The following RAB3GAP1 variants were observed in gnomAD, a reference collection of about 807,000 sequenced individuals.
RAB3GAP1 encodes the protein RAB3 GTPase activating protein catalytic subunit 1, also known as rab3 GTPase-activating protein catalytic subunit.
A neutral mutation model predicts 130.7 loss-of-function variants in RAB3GAP1; 86 were observed. The observed-to-expected ratio is 0.66, with a 90% CI of 0.55 to 0.79. RAB3GAP1 has a LOEUF of 0.79. Ranked by LOEUF, RAB3GAP1 falls within the 30% of genes least tolerant of loss-of-function variation. The pLI is 0.00. For missense variants in RAB3GAP1, 1,029 were observed against 1,169.4 expected (o/e 0.88, Z 1.75); for synonymous variants, 367 against 401.7 (o/e 0.91, Z 1.03).
chr2:135,075,632 T>C (rs1689608360), intron 3 of RAB3GAP1, among the ~76,000 whole-genome samples: 1 of 150,288 alleles, frequency 6.7e-6, no homozygotes, highest in Admixed American at 6.6e-5. Flanking sequence ...TACTCTTGCA[T>C]GTTTGCCTTT....
At position 135,091,146 on chromosome 2, in the gene RAB3GAP1, A is replaced by T; in HGVS notation, c.283+16A>T. ...TTATTAGAGGGTAAGTTATTTCTAT[A>T]TAATAATATTAACTTCTGATTTGTA... On this transcript the variant is annotated intron_variant, in intron 4 of 23. Transcript: ENST00000264158. The T allele has an allele frequency of 6.5e-7, 1 of 1,550,116 alleles. No individual in the cohort carries two copies. The highest frequency in any genetic ancestry group is 8.9e-7 in the Non-Finnish European group (1 of 1,125,042).
chr2:135,160,018 G>A (rs1439123670), intron 19 of RAB3GAP1, among the ~76,000 whole-genome samples: 1 of 152,142 alleles, frequency 6.6e-6, no homozygotes. Context: ...GGCTGCTTTG[G>A]GGTACTGGGT....
At chr2:135,161,149 T>C (rs1692455398) in intron 19 of RAB3GAP1, among the ~76,000 whole-genome samples, 1 of 152,214 alleles carries the variant, frequency 6.6e-6, no homozygotes, top group African/African-American at 2.4e-5. Flanking sequence ...TGAAACACTT[T>C]GTAGGATAAT....
At chr2:135,117,456 G>GCTTCTTCTTCTT (rs1691010625) in intron 7 of RAB3GAP1, among the ~76,000 whole-genome samples, 1 of 41,848 alleles carries the variant, frequency 2.4e-5, no homozygotes, top group Admixed American at 3.2e-4. Context: ...TTCTTCTTCT[G>GCTTCTTCTTCTT]CTTCTGCTTC....
chr2:135,125,083 A>G (rs1406055040), intron 9 of RAB3GAP1, among the ~76,000 whole-genome samples: 2 of 152,230 alleles, frequency 1.3e-5, no homozygotes, highest in Admixed American at 6.5e-5. Context: ...ATAACCTTAA[A>G]AAGAAATTCT....
intron 5 of RAB3GAP1, among the ~76,000 whole-genome samples, chr2:135,110,198 A>T (rs906604691): frequency 6.6e-6 from 1 of 151,090 alleles, no homozygotes; most frequent in African/African-American, 2.4e-5. Context: ...CAGTGGTGTG[A>T]TGATGGTTCA....
At chr2:135,063,125 G>A (rs781753232) in intron 3 of RAB3GAP1, among the ~76,000 whole-genome samples, 1 of 152,112 alleles carries the variant, frequency 6.6e-6, no homozygotes, top group African/African-American at 2.4e-5. Flanking sequence ...CAAAACTTAA[G>A]TTAACTGTAG....
intron 3 of RAB3GAP1, among the ~76,000 whole-genome samples, chr2:135,067,593 T>G (rs186032646): frequency 2.6e-5 from 4 of 152,222 alleles, no homozygotes; most frequent in South Asian, 2.1e-4. Context: ...ATAGCACACA[T>G]AGGTGATGAA....
chr2:135,174,591 C>T (rs375366282), downstream of RAB3GAP1, among the ~76,000 whole-genome samples: 33 of 152,300 alleles, frequency 2.2e-4, no homozygotes, highest in South Asian at 5.8e-3. Flanking sequence ...AGCCACAGGA[C>T]GATTTGAGTA....
chr2:135,058,150 T>G, intron 3 of RAB3GAP1, 64 bp downstream of exon 3: 6 of 1,315,742 alleles, frequency 4.6e-6, no homozygotes, highest in Non-Finnish European at 6.6e-6. Context: ...TTTCCAGCCC[T>G]TTGCTGCATT....
At chr2:135,152,273 G>A (rs190655068) in intron 18 of RAB3GAP1, among the ~76,000 whole-genome samples, 1 of 152,312 alleles carries the variant, frequency 6.6e-6, no homozygotes, top group East Asian at 1.9e-4. Context: ...GGTGGATTCT[G>A]GAGCATGCCC....
intron 5 of RAB3GAP1, among the ~76,000 whole-genome samples, chr2:135,101,164 A>G (rs1035589674): frequency 2.0e-5 from 3 of 152,204 alleles, no homozygotes; most frequent in Non-Finnish European, 4.4e-5. Context: ...AGACATCTTA[A>G]GAGGATTTCA....
chr2:135,106,374 G>A (rs1413760034), intron 5 of RAB3GAP1, among the ~76,000 whole-genome samples: 2 of 152,252 alleles, frequency 1.3e-5, no homozygotes, highest in Non-Finnish European at 2.9e-5. Flanking sequence ...TGTGTAGAAA[G>A]AAGTAGACAT....
intron 19 of RAB3GAP1, among the ~76,000 whole-genome samples, chr2:135,159,260 T>C (rs116740963): frequency 1.6e-3 from 247 of 152,330 alleles, no homozygotes; most frequent in African/African-American, 5.7e-3. Flanking sequence ...ACATAGTGTG[T>C]TCCTCCCAGA....
At chr2:135,061,878 C>A (rs1320875956) in intron 3 of RAB3GAP1, among the ~76,000 whole-genome samples, 1 of 151,976 alleles carries the variant, frequency 6.6e-6, no homozygotes, top group Non-Finnish European at 1.5e-5. Context: ...TATGGATATC[C>A]TGTTGTTCTA....
At chr2:135,142,903 G>A (rs1316487847) in intron 17 of RAB3GAP1, among the ~76,000 whole-genome samples, 2 of 148,348 alleles carry the variant, frequency 1.3e-5, no homozygotes, top group African/African-American at 5.0e-5. Flanking sequence ...TTTTTTTTAG[G>A]ATTTTTATAT....
intron 19 of RAB3GAP1, among the ~76,000 whole-genome samples, chr2:135,159,167 C>G (rs1054025407): frequency 2.0e-5 from 3 of 152,096 alleles, no homozygotes; most frequent in Admixed American, 1.3e-4. Context: ...AGGGACAAAT[C>G]CCCTGTGCAG....
chr2:135,084,015 C>G (rs1241395750), intron 3 of RAB3GAP1, among the ~76,000 whole-genome samples: 2 of 151,888 alleles, frequency 1.3e-5, no homozygotes, highest in African/African-American at 4.8e-5. Context: ...GAGGCCAAGG[C>G]GGGTGAATCA....
At chr2:135,150,969 T>C (rs1464721787) in intron 18 of RAB3GAP1, among the ~76,000 whole-genome samples, 1 of 152,150 alleles carries the variant, frequency 6.6e-6, no homozygotes, top group Non-Finnish European at 1.5e-5. Flanking sequence ...TGTCATGAGT[T>C]CTCTTATGGA....
Sources: gnomAD v4.1 joint callset for allele counts (sites outside exome capture counted in the v4.1 genomes callset) on GRCh38, gnomAD v4.1.1 for gene constraint, MANE v1.5 for transcripts, NCBI Gene and HGNC (gene_info 2026-07-23, HGNC 2026-07-21) for gene names.